DDC: variants seen among roughly 807,000 people sequenced by gnomAD.
The protein encoded by DDC is aromatic-L-amino-acid decarboxylase.
Under a neutral mutation model 60.0 loss-of-function variants are expected in DDC, and 43 were observed. That is an observed-to-expected ratio of 0.72 (90% CI 0.56 to 0.92). The LOEUF (loss-of-function observed/expected upper bound fraction) is 0.92. Among genes scored for constraint, DDC ranks in the 40% least tolerant of loss-of-function variants. DDC has a pLI of 0.00. For synonymous variants in DDC, 232 were observed against 234.6 expected, an observed-to-expected ratio of 0.99 and a Z score of 0.10; for missense variants, 573 against 620.2, an observed-to-expected ratio of 0.92 and a Z score of 0.81.
chr7:50,564,434 T>C (rs539117085), intron 1 of DDC: 1 of 152,384 alleles, frequency 6.6e-6, no homozygotes, highest in African/African-American at 2.4e-5. Flanking sequence ...CTCTGGCTGT[T>C]TGCTCACTTG....
In DDC at chr7:50,544,013, C is replaced by T. The variant is rs756869400; in HGVS notation, c.73G>A (p.Glu25Lys). The stretch of plus-strand genomic sequence containing the variant: ...ACGTCAGGGTAGACCTGGCGTCCCT[C>T]AATGCCTTCCATGTAGTTGGCCATG... Reference protein sequence around the residue: ...DYMANYMEGIEGRQVYPDVEP... With the variant: ...DYMANYMEGIKGRQVYPDVEP... The change falls in exon 2 of 15, where the codon GAG becomes AAG. Residue 25 changes from glutamate (E) to lysine (K), a missense_variant. Coordinates refer to ENST00000444124, the MANE Select transcript of DDC (RefSeq NM_001082971.2). 35 of 1,614,222 alleles carry T rather than the reference C, an allele frequency of 2.2e-5. No homozygotes were observed. Among genetic ancestry groups the T allele is most frequent in the Non-Finnish European group, 2.8e-5 (33 of 1,180,030 alleles).
At chr7:50,470,347 T>C (rs2042502454) in intron 11 of DDC, among the ~76,000 whole-genome samples, 176 bp from the exon 12 acceptor site, 1 of 152,246 alleles carries the variant, frequency 6.6e-6, no homozygotes, top group South Asian at 2.1e-4. Flanking sequence ...GGGCAGAGGC[T>C]TTCTTTGCAA....
intron 11 of DDC, among the ~76,000 whole-genome samples, chr7:50,473,686 C>T (rs577788022): frequency 1.3e-5 from 2 of 152,218 alleles, no homozygotes; most frequent in African/African-American, 2.4e-5. Context: ...GGCAGCCAAA[C>T]AAGGACTGTC....
chr7:50,549,155 T>C (rs2044900188), intron 1 of DDC, among the ~76,000 whole-genome samples: 1 of 152,218 alleles, frequency 6.6e-6, no homozygotes, highest in Non-Finnish European at 1.5e-5. Flanking sequence ...GAGCAAGATG[T>C]ACAAGGAAAT....
At chr7:50,471,956 C>T (rs972077489) in intron 11 of DDC, among the ~76,000 whole-genome samples, 1 of 152,202 alleles carries the variant, frequency 6.6e-6, no homozygotes, top group Non-Finnish European at 1.5e-5. Flanking sequence ...TGTTAGATTT[C>T]AGTCTAACAT....
intron 6 of DDC, among the ~76,000 whole-genome samples, chr7:50,520,894 T>C (rs1445292899): frequency 7.0e-6 from 1 of 142,638 alleles, no homozygotes; most frequent in East Asian, 2.0e-4. Context: ...TAAGACTCTG[T>C]CTCAGAAAAT....
chr7:50,510,899 T>C (rs1265241099), intron 6 of DDC, among the ~76,000 whole-genome samples: 4 of 142,478 alleles, frequency 2.8e-5, no homozygotes, highest in Admixed American at 2.3e-4. Flanking sequence ...GAGGATGGCA[T>C]GAACCTGGGA....
intron 11 of DDC, among the ~76,000 whole-genome samples, chr7:50,474,900 T>C (rs993770886): frequency 2.6e-5 from 4 of 151,444 alleles, no homozygotes; most frequent in Non-Finnish European, 5.9e-5. Flanking sequence ...TTCAGTCTCA[T>C]GCTGCAGGAA....
intron 1 of DDC, among the ~76,000 whole-genome samples, chr7:50,561,549 G>T (rs980639476): frequency 1.3e-5 from 2 of 152,096 alleles, no homozygotes; most frequent in Non-Finnish European, 2.9e-5. Flanking sequence ...GTGTTGAGCC[G>T]CATGCATCTC....
chr7:50,460,517 C>G (rs2042248767), intron 14 of DDC, among the ~76,000 whole-genome samples: 1 of 151,602 alleles, frequency 6.6e-6, no homozygotes, highest in Non-Finnish European at 1.5e-5. Flanking sequence ...TGAGGAGCCC[C>G]TCTGCCCAGC....
At chr7:50,480,870 A>C (rs1172541877) in intron 9 of DDC, among the ~76,000 whole-genome samples, 1 of 152,168 alleles carries the variant, frequency 6.6e-6, no homozygotes, top group Non-Finnish European at 1.5e-5. Context: ...CTGTCTGCAC[A>C]CAGAGCACTC....
At position 50,556,442 on chromosome 7, in the gene DDC, G is replaced by A. The variant is rs2045191086; in HGVS notation, c.-29+8843C>T. Among the ~76,000 whole-genome samples the A allele has an allele frequency of 1.3e-5, 2 of 152,202 alleles. 1 individual carries two copies. Among genetic ancestry groups the A allele is most frequent in the South Asian group, 4.2e-4 (2 of 4,816 alleles). On this transcript the variant is annotated intron_variant, in intron 1 of 14. Transcript: ENST00000444124. The stretch of plus-strand genomic sequence containing the variant: ...CTTCATGACCTAATCATCTCTCAAA[G>A]TTCCTATTTCCTAATACATTGCAGG...
chr7:50,480,795 A>T (rs1156228475), intron 9 of DDC, among the ~76,000 whole-genome samples: 3 of 152,092 alleles, frequency 2.0e-5, no homozygotes, highest in African/African-American at 7.2e-5. Context: ...TGGGGTGAAA[A>T]TCCCAAGGGC....
chr7:50,467,316 CTT>C lies in DDC; in HGVS notation c.1141-3_1141-2del. The C allele has an allele frequency of 6.2e-7, 1 of 1,613,232 alleles. No homozygotes were observed. Among genetic ancestry groups the C allele is most frequent in the Non-Finnish European group, 8.5e-7 (1 of 1,179,160 alleles). On this transcript the variant is annotated splice_acceptor_variant and splice_polypyrimidine_tract_variant and intron_variant, in intron 12 of 14. Coordinates refer to ENST00000444124, the MANE Select transcript of DDC (RefSeq NM_001082971.2). LOFTEE classifies it high-confidence loss of function. ...CAAACTCATGGGACAGCTGGACATG[CTT>C]CAAAGAGGAAAGGGAAAATCTGTTT...
intron 1 of DDC, among the ~76,000 whole-genome samples, chr7:50,552,267 T>C (rs1034246685): frequency 1.3e-5 from 2 of 152,238 alleles, no homozygotes; most frequent in Admixed American, 1.3e-4. Context: ...CTGGAAGACT[T>C]AGCCTATGAT....
intron 9 of DDC, among the ~76,000 whole-genome samples, chr7:50,485,214 T>C (rs2042856794): frequency 6.6e-6 from 1 of 152,172 alleles, no homozygotes; most frequent in Non-Finnish European, 1.5e-5. Context: ...TCTTTGGAGA[T>C]CTGATATTAA....
At chr7:50,515,806 C>T (rs187596870) in intron 6 of DDC, among the ~76,000 whole-genome samples, 6 of 152,164 alleles carry the variant, frequency 3.9e-5, no homozygotes, top group Admixed American at 2.6e-4. Flanking sequence ...AACTTTAAGG[C>T]AACAGCAGTT....
intron 1 of DDC, among the ~76,000 whole-genome samples, chr7:50,553,887 A>G (rs1269982634): frequency 1.3e-5 from 2 of 152,188 alleles, no homozygotes; most frequent in Admixed American, 1.3e-4. Flanking sequence ...GTTTCTAGCC[A>G]TGAGAGCTTT....
intron 10 of DDC, among the ~76,000 whole-genome samples, chr7:50,478,104 T>C (rs868460449): frequency 6.6e-6 from 1 of 151,896 alleles, no homozygotes; most frequent in Non-Finnish European, 1.5e-5. Context: ...TCCCAGCTAC[T>C]TGGAAGGCTG....
Sources: gnomAD v4.1 joint callset for allele counts (sites outside exome capture counted in the v4.1 genomes callset) on GRCh38, gnomAD v4.1.1 for gene constraint, MANE v1.5 for transcripts, NCBI Gene and HGNC (gene_info 2026-07-23, HGNC 2026-07-21) for gene names.